KCNQ5: variants seen among roughly 807,000 people sequenced by gnomAD.
KCNQ5 encodes the protein potassium voltage-gated channel subfamily KQT member 5.
Under a neutral mutation model 98.2 loss-of-function variants are expected in KCNQ5, and 30 were observed. The ratio of observed to expected loss-of-function variants is 0.31; its 90% CI spans 0.23 to 0.41. The LOEUF (loss-of-function observed/expected upper bound fraction) is 0.41. KCNQ5 is among the 10% of genes least tolerant of loss of function. The pLI, the probability that KCNQ5 is intolerant of heterozygous loss-of-function variation, is 1.00. For missense variants in KCNQ5, 835 were observed against 1,182.5 expected (o/e 0.71, Z 4.31); for synonymous variants, 458 against 449.4 (o/e 1.02, Z -0.24).
intron 11 of KCNQ5, among the ~76,000 whole-genome samples, chr6:73,173,556 CTA>C (rs528947733): frequency 2.1e-3 from 326 of 152,278 alleles, no homozygotes; most frequent in Non-Finnish European, 4.1e-3. Flanking sequence ...AGGTAACAGA[CTA>C]TTACTTTTCA....
rs537572787 is a variant in KCNQ5, at chr6:73,142,408, G to A, written c.1468+8767G>A. ...AAACCACCAATTCCCCATTCCTTTC[G>A]ACCTCTCCGTTACCTACCTGCCTTT... On this transcript the variant is annotated intron_variant, in intron 10 of 13. Transcript: ENST00000370398. Among the ~76,000 whole-genome samples the A allele has an allele frequency of 2.6e-5, 4 of 151,426 alleles. No homozygotes were observed. The South Asian group carries it at 8.3e-4, about 32-fold the overall frequency.
At chr6:72,917,251 G>GA (rs1470404261) in intron 1 of KCNQ5, among the ~76,000 whole-genome samples, 3 of 152,026 alleles carry the variant, frequency 2.0e-5, no homozygotes, top group South Asian at 2.1e-4. Context: ...CATTAAGCCA[G>GA]AAAAAAATAC....
At chr6:73,010,411 C>T (rs1309131628) in intron 2 of KCNQ5, among the ~76,000 whole-genome samples, 2 of 151,944 alleles carry the variant, frequency 1.3e-5, no homozygotes, top group Admixed American at 1.3e-4. Flanking sequence ...CAACATCATA[C>T]ACAAAGGTGA....
At chr6:73,136,053 G>A (rs1432904279) in intron 10 of KCNQ5, 3 of 152,136 alleles carry the variant, frequency 2.0e-5, no homozygotes, top group Non-Finnish European at 4.4e-5. Context: ...TATGAATTTT[G>A]GAGGGATGCA....
At chr6:72,672,853 A>G (rs1767202758) in intron 1 of KCNQ5, among the ~76,000 whole-genome samples, 1 of 152,230 alleles carries the variant, frequency 6.6e-6, no homozygotes, top group Non-Finnish European at 1.5e-5. Flanking sequence ...TTAGCATAAA[A>G]AATGATAGGA....
chr6:72,837,241 C>T (rs1776543037), intron 1 of KCNQ5, among the ~76,000 whole-genome samples: 1 of 152,164 alleles, frequency 6.6e-6, no homozygotes, highest in Non-Finnish European at 1.5e-5. Flanking sequence ...TTATTGAACA[C>T]TTAATATGCT....
At chr6:72,746,930 C>T (rs576231559) in intron 1 of KCNQ5, among the ~76,000 whole-genome samples, 3 of 152,146 alleles carry the variant, frequency 2.0e-5, no homozygotes, top group Admixed American at 1.3e-4. Context: ...GAACTGCAAA[C>T]TCTTAATTAT....
At chr6:72,811,173 T>C (rs1775223549) in intron 1 of KCNQ5, among the ~76,000 whole-genome samples, 1 of 152,206 alleles carries the variant, frequency 6.6e-6, no homozygotes, top group South Asian at 2.1e-4. Flanking sequence ...TGCCACTAAC[T>C]GGCATTGAGC....
chr6:72,837,274 T>C (rs181351296), intron 1 of KCNQ5, among the ~76,000 whole-genome samples: 1 of 152,336 alleles, frequency 6.6e-6, no homozygotes, highest in Admixed American at 6.5e-5. Flanking sequence ...ATACATACTT[T>C]ACTGGCTGTA....
chr6:73,037,479 A>G (rs1771490208), intron 2 of KCNQ5, among the ~76,000 whole-genome samples: 1 of 152,086 alleles, frequency 6.6e-6, no homozygotes, highest in Admixed American at 6.5e-5. Context: ...TTTTCCTAAA[A>G]GTTTTATTAT....
chr6:72,675,734 C>G (rs920538358), intron 1 of KCNQ5, among the ~76,000 whole-genome samples: 1 of 152,270 alleles, frequency 6.6e-6, no homozygotes, highest in African/African-American at 2.4e-5. Flanking sequence ...ATTCATGGCC[C>G]TTATTTCACT....
Position 73,198,535 on chromosome 6 carries a change from AACTAAATTAATGGATCATTTC to A in KCNQ5, c.*3129_*3149del, listed in dbSNP as rs2150530991. ...ACTGTAAGGATGATGAAACCTGGCT[AACTAAATTAATGGATCATTTC>A]ACTAAATCAGATAGAGGAAATATCA... On this transcript the variant is annotated 3_prime_UTR_variant, in exon 14 of 14. Coordinates refer to ENST00000370398, the MANE Select transcript of KCNQ5 (RefSeq NM_019842.4). The A allele has an allele frequency of 6.6e-6, 1 of 152,334 alleles. No homozygotes were observed. Among genetic ancestry groups the A allele is most frequent in the South Asian group, 2.1e-4 (1 of 4,828 alleles). 9.4% of individuals were successfully genotyped at this position (152,334 alleles called of 1,614,324 possible). A position where few individuals can be genotyped will look rare whatever the true frequency, so the allele number is the denominator to read the frequency against.
At chr6:72,658,578 ATTTTTT>A (rs1219877866) in intron 1 of KCNQ5, among the ~76,000 whole-genome samples, 1 of 76,366 alleles carries the variant, frequency 1.3e-5, no homozygotes, top group African/African-American at 4.4e-5. Flanking sequence ...ATATATATAT[ATTTTTT>A]TTTTTTTTTT....
chr6:72,660,096 T>C (rs756463201), intron 1 of KCNQ5, among the ~76,000 whole-genome samples: 9 of 152,210 alleles, frequency 5.9e-5, no homozygotes, highest in Non-Finnish European at 8.8e-5. Flanking sequence ...TTGAGGATGT[T>C]TATGCAGTAT....
intron 13 of KCNQ5, 92 bp downstream of exon 13, chr6:73,192,783 T>G: frequency 9.3e-7 from 1 of 1,075,496 alleles, no homozygotes; most frequent in Non-Finnish European, 1.3e-6. Flanking sequence ...GTGATTATTT[T>G]AAAATAAATA....
rs1441349124 is a variant in KCNQ5 at position 72,622,396 on chromosome 6, T to C, written c.207T>C (p.Gly69=). The C allele has an allele frequency of 6.7e-7, 1 of 1,481,810 alleles. No homozygotes were observed. The highest frequency in any genetic ancestry group is 9.0e-7 in the Non-Finnish European group (1 of 1,116,160). 91.8% of individuals were successfully genotyped at this position (1,481,810 alleles called of 1,614,324 possible). ...LLLGTRAATL[G]GGGGGLRESR... ...TGGGCACCCGCGCGGCCACGCTCGGTGGCGGCGGCGGTGGCCTGAGGGAGA... is the reference window on the plus strand; with the variant it reads ...TGGGCACCCGCGCGGCCACGCTCGGCGGCGGCGGCGGTGGCCTGAGGGAGA... The change falls in exon 1 of 14, where the codon GGT becomes GGC. Residue 69 remains glycine, a synonymous_variant. Coordinates refer to ENST00000370398, the MANE Select transcript of KCNQ5 (RefSeq NM_019842.4). The surrounding 1 kb of genome is among the most constrained non-coding windows in gnomAD (Gnocchi z 6.0).
At chr6:72,682,588 G>C (rs79047153) in intron 1 of KCNQ5, among the ~76,000 whole-genome samples, 11,797 of 152,042 alleles carry the variant, frequency 0.078, 556 homozygotes, top group Middle Eastern at 0.15. Flanking sequence ...CTCTTTCCCT[G>C]TCTCAGGAAT....
At chr6:73,149,806 A>G (rs78065987) in intron 10 of KCNQ5, among the ~76,000 whole-genome samples, 38 of 144,236 alleles carry the variant, frequency 2.6e-4, no homozygotes, top group Admixed American at 3.4e-4. Flanking sequence ...AAAAAAAAAA[A>G]AGAGAGAGAG....
intron 1 of KCNQ5, among the ~76,000 whole-genome samples, chr6:72,995,665 C>T (rs550146407): frequency 3.4e-4 from 52 of 152,098 alleles, no homozygotes; most frequent in African/African-American, 1.2e-3. Context: ...TAAAGAAATT[C>T]GGAAGATAAG....
Sources: gnomAD v4.1 joint callset for allele counts (sites outside exome capture counted in the v4.1 genomes callset) on GRCh38, gnomAD v4.1.1 for gene constraint, Gnocchi (gnomAD v3.1) non-coding constraint, MANE v1.5 for transcripts, NCBI Gene and HGNC (gene_info 2026-07-23, HGNC 2026-07-21) for gene names.